Variants in SFXN3 observed in about 807,000 individuals in gnomAD.
SFXN3 encodes the protein sideroflexin 3.
In SFXN3, 31 loss-of-function variants were observed where a neutral mutation model predicts 40.4. The ratio of observed to expected loss-of-function variants is 0.77; its 90% CI spans 0.58 to 1.04. The LOEUF is 1.04. Ranked by LOEUF, SFXN3 falls within the 50% of genes least tolerant of loss-of-function variation. The pLI is 0.00. For synonymous variants in SFXN3, 157 were observed against 160.0 expected (o/e 0.98, Z 0.14); for missense variants, 366 against 408.2 (o/e 0.90, Z 0.89).
chr10:101,035,626 C>A, exon 4 of SFXN3: 1 of 1,613,826 alleles, frequency 6.2e-7, no homozygotes, highest in Non-Finnish European at 8.5e-7. Context: ...CCCAGGTGCC[C>A]ATGAACATGA....
At chr10:101,040,981 C>G (rs924254470) in exon 12 of SFXN3, 1 of 152,322 alleles carries the variant, frequency 6.6e-6, no homozygotes, top group Admixed American at 6.6e-5. Flanking sequence ...CCTCCCACCC[C>G]CTGGAAGAGG....
chr10:101,034,951 C>T, intron 3 of SFXN3, 96 bp downstream of exon 3: 1 of 1,459,546 alleles, frequency 6.9e-7, no homozygotes, highest in African/African-American at 1.4e-5. Context: ...TTGACAGTGA[C>T]CCTGTCCCTC....
exon 12 of SFXN3, chr10:101,041,058 A>G (rs1358741656): frequency 6.6e-6 from 1 of 152,202 alleles, no homozygotes; most frequent in African/African-American, 2.4e-5. Flanking sequence ...GGTGGTGGTA[A>G]GTTCACAGAG....
In SFXN3 at chr10:101,036,495, G is replaced by A. The variant is rs1205490162; in HGVS notation, c.441G>A (p.Gly147=). ...GCTTTTCCACCCACAGGCAGCTGGGGACAGCCTATGTGAGTGCCACCACTG... is the reference window on the plus strand; with the variant it reads ...GCTTTTCCACCCACAGGCAGCTGGGAACAGCCTATGTGAGTGCCACCACTG... Residue 147 remains glycine, a synonymous_variant, in exon 6 of 12, where the codon GGG becomes GGA. Coordinates refer to ENST00000393459, the Ensembl canonical transcript of SFXN3. This position sits in a 1 kb window ranked among gnomAD's most constrained non-coding sequence, Gnocchi z 4.2. 2 of 1,614,068 alleles carry A rather than the reference G, an allele frequency of 1.2e-6. No individual in the cohort carries two copies. Among genetic ancestry groups the A allele is most frequent in the South Asian group, 1.1e-5 (1 of 91,080 alleles).
Position 101,039,751 on chromosome 10 carries a change from G to T in SFXN3, c.*166G>T, listed in dbSNP as rs369346526. The T allele has an allele frequency of 1.6e-5, 10 of 636,752 alleles. No individual in the cohort carries two copies. In the East Asian group the frequency reaches 1.9e-4, roughly 12 times the overall value. 39.4% of individuals were successfully genotyped at this position (636,752 alleles called of 1,614,324 possible). On this transcript the variant is annotated 3_prime_UTR_variant, in exon 12 of 12. Transcript: ENST00000393459. The surrounding 1 kb of genome is among the most constrained non-coding windows in gnomAD (Gnocchi z 4.6). ...TAGGGTGGGGGAGGGACCTCCATAA[G>T]GCTTTTCCTCCCTTCTCTGGTTTCA...
At chr10:101,034,984 G>T in intron 3 of SFXN3, 129 bp downstream of exon 3, 2 of 1,237,688 alleles carry the variant, frequency 1.6e-6, no homozygotes, top group Non-Finnish European at 2.2e-6. Flanking sequence ...CTCTAGCCCC[G>T]TCTGTTGGCA....
At chr10:101,034,901 T>C in intron 3 of SFXN3, 46 bp downstream of exon 3, 1 of 1,593,274 alleles carries the variant, frequency 6.3e-7, no homozygotes, top group Non-Finnish European at 8.6e-7. Context: ...TCTCATTTTC[T>C]GTGATTAATA....
chr10:101,036,669 T>A lies in SFXN3; in HGVS notation c.508-54T>A. ...ATATGCCCCCTATATCTCCCCAGAG[T>A]CCCTCACCACCCCATGGCCCTTAGG... On this transcript the variant is annotated intron_variant, in intron 6 of 11. Coordinates refer to ENST00000393459, the Ensembl canonical transcript of SFXN3. This position sits in a 1 kb window ranked among gnomAD's most constrained non-coding sequence, Gnocchi z 4.2. 2 of 1,606,380 alleles carry A rather than the reference T, an allele frequency of 1.2e-6. No individual in the cohort carries two copies. The highest frequency in any genetic ancestry group is 2.2e-5 in the South Asian group (2 of 90,844).
chr10:101,038,660 G>A, exon 10 of SFXN3: 1 of 1,613,330 alleles, frequency 6.2e-7, no homozygotes. Context: ...CCTGGCTGGG[G>A]GCACCCCTGC....
intron 9 of SFXN3, 65 bp downstream of exon 9, chr10:101,037,496 C>T: frequency 6.2e-7 from 1 of 1,613,650 alleles, no homozygotes; most frequent in Non-Finnish European, 8.5e-7. Context: ...CAGGCCCCAA[C>T]TCTCTCTCCA....
At chr10:101,035,518 G>T in exon 4 of SFXN3, 2 of 1,609,452 alleles carry the variant, frequency 1.2e-6, no homozygotes, top group Non-Finnish European at 1.7e-6. Flanking sequence ...TGACCCCAGG[G>T]ATCACCGAGG....
chr10:101,037,310 G>A (rs890018021), intron 8 of SFXN3, 72 bp from the exon 9 acceptor site: 33 of 1,613,810 alleles, frequency 2.0e-5, no homozygotes, highest in Non-Finnish European at 2.8e-5. Flanking sequence ...CTTTGAGGGG[G>A]GTCACCCTTC....
chr10:101,038,739 A>AT, intron 10 of SFXN3, 47 bp downstream of exon 10: 1 of 1,603,640 alleles, frequency 6.2e-7, no homozygotes, highest in Non-Finnish European at 8.5e-7. Flanking sequence ...TGCCTTGTCC[A>AT]TGGTGGATGT....
exon 10 of SFXN3, chr10:101,038,690 C>T (rs1590088920): frequency 6.2e-7 from 1 of 1,611,140 alleles, no homozygotes; most frequent in East Asian, 2.2e-5. Context: ...TGGTGGGCTT[C>T]TGGTAAGTGT....
chr10:101,035,999 T>C lies in SFXN3; in HGVS notation c.333-4T>C. 6.2e-7 allele frequency: 1 copy of C among 1,613,678 alleles called. No individual in the cohort carries two copies. Among genetic ancestry groups the C allele is most frequent in the Non-Finnish European group, 8.5e-7 (1 of 1,179,598 alleles). On this transcript the variant is annotated splice_polypyrimidine_tract_variant and splice_region_variant and intron_variant, in intron 4 of 11. Transcript: ENST00000393459. The stretch of plus-strand genomic sequence containing the variant: ...GGCAGAAGTGAGTGTCTTTGTTCCC[T>C]CAGGAAGACCCCAACCGTGGTGTTC...
chr10:101,038,513 G>A (rs916971906), intron 9 of SFXN3, 130 bp from the exon 10 acceptor site: 8 of 1,554,468 alleles, frequency 5.1e-6, no homozygotes, highest in Middle Eastern at 1.7e-4. Flanking sequence ...ATTGCCTTGG[G>A]AGAAAGAAAA....
chr10:101,035,789 T>C, intron 4 of SFXN3, 122 bp downstream of exon 4: 1 of 1,373,676 alleles, frequency 7.3e-7, no homozygotes, highest in Non-Finnish European at 9.9e-7. Flanking sequence ...CTTCCATTCC[T>C]CAGAATTCAG....
At chr10:101,033,558 C>T (rs991373099) in intron 2 of SFXN3, among the ~76,000 whole-genome samples, 8 of 152,100 alleles carry the variant, frequency 5.3e-5, no homozygotes, top group African/African-American at 1.9e-4. Context: ...CCCCTCCACA[C>T]CTGTGGGTAT....
chr10:101,033,011 G>T (rs1196227050), intron 2 of SFXN3, among the ~76,000 whole-genome samples: 1 of 152,184 alleles, frequency 6.6e-6, no homozygotes, highest in Non-Finnish European at 1.5e-5. Flanking sequence ...CCTGGCCAGG[G>T]ACCAGGGAGA....
Sources: allele counts gnomAD v4.1 joint callset (sites outside exome capture counted in the v4.1 genomes callset), GRCh38; gene constraint gnomAD v4.1.1; non-coding constraint Gnocchi (gnomAD v3.1); transcripts MANE v1.5; gene names NCBI Gene and HGNC (gene_info 2026-07-23, HGNC 2026-07-21).